Variants in SCAF4 observed in about 807,000 individuals in gnomAD.
SCAF4 encodes SR-related CTD associated factor 4, also known as SR-related and CTD-associated factor 4.
SCAF4 carries 25 observed loss-of-function variants against 129.8 expected under a neutral mutation model. That is an observed-to-expected ratio of 0.19 (90% CI 0.14 to 0.27). SCAF4 has a LOEUF of 0.27. Ranked by LOEUF, SCAF4 falls within the 10% of genes least tolerant of loss-of-function variation. SCAF4 has a pLI of 1.00. For synonymous variants in SCAF4, 551 were observed against 497.7 expected (o/e 1.11, Z -1.43); for missense variants, 1,246 against 1,457.1 (o/e 0.86, Z 2.36).
chr21:31,675,253 T>G (rs1429119638), intron 19 of SCAF4, among the ~76,000 whole-genome samples: 2 of 152,190 alleles, frequency 1.3e-5, no homozygotes, highest in East Asian at 3.9e-4. Flanking sequence ...AACCTGGACT[T>G]TGACCTCTAG....
At chr21:31,701,234 T>G in intron 6 of SCAF4, 63 bp from the exon 7 acceptor site, 4 of 1,402,228 alleles carry the variant, frequency 2.9e-6, no homozygotes, top group Non-Finnish European at 3.8e-6. Context: ...CAAAAGTTAA[T>G]TTAATAAAAA....
intron 19 of SCAF4, 74 bp downstream of exon 19, chr21:31,684,975 C>T: frequency 1.7e-6 from 1 of 597,678 alleles, no homozygotes; most frequent in Non-Finnish European, 2.8e-6. Flanking sequence ...TTAAAAAAAT[C>T]TAACTTGGGG....
In SCAF4 at chr21:31,705,443, C is replaced by T; in HGVS notation, c.139G>A (p.Val47Ile). Residue 47 changes from valine (V) to isoleucine (I), a missense_variant, in exon 3 of 20, where the codon GTA becomes ATA. This residue lies in a region of SCAF4 where 56 missense variants were observed against 139.4 expected (regional missense o/e 0.40). Transcript: ENST00000286835. ...IKLYKHVVQI[V>I]EKFIKKCKPE... ...GTTACCTTTTTGATGAACTTTTCTA[C>T]TATTTGAACTACATGCTTATAAAGC... 7.7e-7 allele frequency: 1 copy of T among 1,295,146 alleles called. No individual in the cohort carries two copies. Among genetic ancestry groups the T allele is most frequent in the Non-Finnish European group, 1.1e-6 (1 of 925,762 alleles). The allele number at this position is 1,295,146 out of a possible 1,614,324, so 80.2% of individuals were successfully genotyped here.
chr21:31,701,694 C>A, intron 6 of SCAF4, 82 bp downstream of exon 6: 2 of 1,410,638 alleles, frequency 1.4e-6, no homozygotes, highest in Non-Finnish European at 1.9e-6. Context: ...TTTCAATGTG[C>A]TTATTAATGA....
intron 1 of SCAF4, among the ~76,000 whole-genome samples, chr21:31,722,587 A>C (rs1007402316): frequency 3.9e-5 from 6 of 152,224 alleles, no homozygotes; most frequent in Admixed American, 3.3e-4. Flanking sequence ...GTGGTTATCA[A>C]ATATAATAGA....
intron 1 of SCAF4, among the ~76,000 whole-genome samples, chr21:31,711,699 T>C (rs1349958062): frequency 1.3e-5 from 2 of 151,992 alleles, no homozygotes; most frequent in Non-Finnish European, 2.9e-5. Flanking sequence ...GTACAGATAG[T>C]AAAGATAAAA....
chr21:31,712,487 G>A lies in SCAF4; in HGVS notation c.31-6130C>T, dbSNP rs984168547. On this transcript the variant is annotated intron_variant, in intron 1 of 19. Transcript: ENST00000286835. ...CCCACCTCAGCCTCCCAAAGCGCTG[G>A]CATTACAGGCGAGAGCCACCATGTC... Among the ~76,000 whole-genome samples the A allele has an allele frequency of 4.0e-5, 6 of 150,310 alleles. 1 individual carries two copies. Among genetic ancestry groups the A allele is most frequent in the Admixed American group, 3.3e-4 (5 of 15,076 alleles).
chr21:31,708,284 G>T (rs2050716639), intron 1 of SCAF4, among the ~76,000 whole-genome samples: 1 of 151,764 alleles, frequency 6.6e-6, no homozygotes, highest in Non-Finnish European at 1.5e-5. Flanking sequence ...GCTGAGGCAG[G>T]AGAATCGCTT....
At chr21:31,682,016 T>C (rs1347641053) in intron 19 of SCAF4, among the ~76,000 whole-genome samples, 1 of 152,234 alleles carries the variant, frequency 6.6e-6, no homozygotes, top group Non-Finnish European at 1.5e-5. Flanking sequence ...GTGCTATTTA[T>C]CACTAAACTG....
At chr21:31,719,361 T>G (rs1007997101) in intron 1 of SCAF4, among the ~76,000 whole-genome samples, 1 of 152,174 alleles carries the variant, frequency 6.6e-6, no homozygotes, top group Admixed American at 6.5e-5. Flanking sequence ...AAACTTCATC[T>G]GCATTATTTT....
chr21:31,715,688 G>A (rs2050905588), intron 1 of SCAF4, among the ~76,000 whole-genome samples: 1 of 152,124 alleles, frequency 6.6e-6, no homozygotes, highest in South Asian at 2.1e-4. Flanking sequence ...TAAATTTCAT[G>A]AACTCATTTG....
intron 1 of SCAF4, among the ~76,000 whole-genome samples, chr21:31,712,698 T>C (rs1250890862): frequency 5.3e-5 from 8 of 151,806 alleles, no homozygotes; most frequent in Non-Finnish European, 1.0e-4. Flanking sequence ...CTGGCTAATG[T>C]TTGTATTTTT....
At chr21:31,704,941 G>C (rs2050621388) in intron 3 of SCAF4, among the ~76,000 whole-genome samples, 1 of 152,038 alleles carries the variant, frequency 6.6e-6, no homozygotes, top group Non-Finnish European at 1.5e-5. Context: ...CCAGGTCAGG[G>C]GTTAAGACAA....
Position 31,694,890 on chromosome 21 carries a change from T to A in SCAF4, c.1159A>T (p.Thr387Ser). The stretch of plus-strand genomic sequence containing the variant: ...TGGAAAGGCTGCTGCACTGGTGGAG[T>A]TGGAGGAATCACAGGCTGAGCCATG... ...PPMAQPVIPP[T>S]PPVQQPFQAS... is the part of the protein sequence containing the mutation. The change falls in exon 10 of 20, where the codon ACT (threonine) becomes TCT (serine). Residue 387 changes from threonine to serine, a missense_variant. Coordinates refer to ENST00000286835, the MANE Select transcript of SCAF4 (RefSeq NM_020706.2). The A allele has an allele frequency of 6.2e-7, 1 of 1,613,892 alleles. No individual in the cohort carries two copies. Among genetic ancestry groups the A allele is most frequent in the Non-Finnish European group, 8.5e-7 (1 of 1,179,918 alleles).
chr21:31,707,373 G>A (rs940767748), intron 1 of SCAF4, among the ~76,000 whole-genome samples: 1 of 152,008 alleles, frequency 6.6e-6, no homozygotes. Context: ...AAACAAAAGG[G>A]GAAAACCAAA....
intron 7 of SCAF4, among the ~76,000 whole-genome samples, chr21:31,699,408 G>T (rs989064058): frequency 6.6e-6 from 1 of 151,594 alleles, no homozygotes; most frequent in South Asian, 2.1e-4. Context: ...GTTCGTATGT[G>T]CATGCAAACA....
In SCAF4 at chr21:31,685,226, T is replaced by C. The variant is rs2050089841; in HGVS notation, c.2311A>G (p.Ile771Val). Residue 771 changes from isoleucine to valine, a missense_variant, in exon 19 of 20, where the codon ATA becomes GTA. Physicochemically the swap from Ile to Val is conservative, Grantham distance 29. Around this residue, in one of 6 missense-constraint regions of SCAF4, gnomAD observed 468 missense variants for 605.5 expected, o/e 0.77. Coordinates refer to ENST00000286835, the MANE Select transcript of SCAF4 (RefSeq NM_020706.2). Reference protein sequence around the residue: ...ISIPNSTIAGINEDTTKDLSI... With the variant: ...ISIPNSTIAGVNEDTTKDLSI... ...AAGTCTTTTGTAGTGTCTTCATTTA[T>C]ACCAGCGATAGTAGCTAAGGAATAT... 2 of 1,603,126 alleles carry C rather than the reference T, an allele frequency of 1.2e-6. No homozygotes were observed. The highest frequency in any genetic ancestry group is 2.2e-5 in the South Asian group (2 of 90,784).
At chr21:31,717,934 C>T (rs1011472596) in intron 1 of SCAF4, among the ~76,000 whole-genome samples, 8 of 144,386 alleles carry the variant, frequency 5.5e-5, no homozygotes, top group Admixed American at 1.4e-4. Flanking sequence ...CACACACACA[C>T]ACACACACAC....
chr21:31,683,724 A>G (rs1033546578), intron 19 of SCAF4, among the ~76,000 whole-genome samples: 21 of 151,808 alleles, frequency 1.4e-4, no homozygotes, highest in African/African-American at 4.8e-4. Flanking sequence ...AAAAAAAAGC[A>G]TAACAAAAAA....
Sources: gnomAD v4.1 joint callset for allele counts (sites outside exome capture counted in the v4.1 genomes callset) on GRCh38, gnomAD v4.1.1 for gene constraint, gnomAD v4.1.1 regional missense constraint, MANE v1.5 for transcripts, NCBI Gene and HGNC (gene_info 2026-07-23, HGNC 2026-07-21) for gene names.